RECQL4: variants seen among roughly 807,000 people sequenced by gnomAD.
The protein encoded by RECQL4 is RecQ like helicase 4, also known as ATP-dependent DNA helicase Q4.
RECQL4 carries 158 observed loss-of-function variants against 128.6 expected under a neutral mutation model. That is an observed-to-expected ratio of 1.23 (90% CI 1.08 to 1.40). The LOEUF (loss-of-function observed/expected upper bound fraction) is 1.40, where lower values mean the gene tolerates loss of function less well. RECQL4 is among the 40% of genes most tolerant of loss of function. The pLI is 0.00. For missense variants in RECQL4, 2,293 were observed against 1,649.8 expected (o/e 1.39, Z -6.75); for synonymous variants, 996 against 678.9 (o/e 1.47, Z -7.26).
At position 144,513,883 on chromosome 8, in the gene RECQL4, TCAG is replaced by T. The variant is rs770765176; in HGVS notation, c.2058+42_2058+44del. The T allele has an allele frequency of 1.6e-3, 2,356 of 1,516,846 alleles. 7 individuals are homozygous for T. Among genetic ancestry groups the T allele is most frequent in the Non-Finnish European group, 1.9e-3 (2,116 of 1,123,864 alleles). The allele number at this position is 1,516,846 out of a possible 1,614,324, so 94.0% of individuals were successfully genotyped here. Reference sequence around the variant, plus strand: ...AGTGAGGAGGGGTCGGCGTGGGCAGTCAGCAGCCAGGGCCCTGCAGGGTCCCCA... The same window carrying T: ...AGTGAGGAGGGGTCGGCGTGGGCAGTCAGCCAGGGCCCTGCAGGGTCCCCA... On this transcript the variant is annotated intron_variant, in intron 12 of 20. Transcript: ENST00000617875.
chr8:144,515,451 T>TC lies in RECQL4; in HGVS notation c.1264dup (p.Glu422GlyfsTer10). On this transcript the variant is annotated frameshift_variant, in exon 7 of 21. Transcript: ENST00000617875. LOFTEE classifies it high-confidence loss of function. The stretch of plus-strand genomic sequence containing the variant: ...AGGCCCAACAGCATCTGTGTCTTCC[T>TC]CACTTGCTGGGGCAGGCAGGAGAGG... 6.2e-7 allele frequency: 1 copy of TC among 1,612,714 alleles called. No homozygotes were observed. Among genetic ancestry groups the TC allele is most frequent in the Non-Finnish European group, 8.5e-7 (1 of 1,179,820 alleles).
rs1060501363 is a variant in RECQL4 at position 144,512,486 on chromosome 8, A to C, written c.2961T>G (p.Phe987Leu). 28 of 1,612,482 alleles carry C rather than the reference A, an allele frequency of 1.7e-5. No homozygotes were observed. The highest frequency in any genetic ancestry group is 2.4e-5 in the Non-Finnish European group (28 of 1,179,796). ...DPGQGSSSVE[F>L]DMVKLVDSMG... ...TGGAGTCCACCAGCTTGACCATGTCAAACTCCACGGAGCTGCTGCCTTGCC... is the reference window on the plus strand; with the variant it reads ...TGGAGTCCACCAGCTTGACCATGTCCAACTCCACGGAGCTGCTGCCTTGCC... The change falls in exon 17 of 21, where the codon TTT becomes TTG. Residue 987 changes from phenylalanine (F) to leucine (L), a missense_variant. Transcript: ENST00000617875.
Position 144,512,647 on chromosome 8 carries a change from G to T in RECQL4, c.2880C>A (p.Ala960=), listed in dbSNP as rs766684128. ...ACTGGGCAGGGCGTGCTTACCTGTGGGCCAGGGCCTGGAGCTGGGCAGGGC... is the reference window on the plus strand; with the variant it reads ...ACTGGGCAGGGCGTGCTTACCTGTGTGCCAGGGCCTGGAGCTGGGCAGGGC... The part of the protein sequence containing the change: ...PGGPAQLQAL[A]HRCPPLAVCL... Residue 960 remains alanine, a synonymous_variant, in exon 16 of 21, where the codon GCC becomes GCA. Coordinates refer to ENST00000617875, the MANE Select transcript of RECQL4 (RefSeq NM_004260.4). The T allele has an allele frequency of 6.2e-6, 10 of 1,612,478 alleles. No individual in the cohort carries two copies. In the East Asian group the frequency reaches 2.2e-4, roughly 36 times the overall value.
rs2130721351 is a variant in RECQL4, at chr8:144,516,269, G to A, written c.850C>T (p.Pro284Ser). The A allele has an allele frequency of 6.2e-7, 1 of 1,612,016 alleles. No individual in the cohort carries two copies. Among genetic ancestry groups the A allele is most frequent in the Non-Finnish European group, 8.5e-7 (1 of 1,179,490 alleles). Residue 284 changes from proline to serine, a missense_variant, in exon 5 of 21, where the codon CCC becomes TCC. Transcript: ENST00000617875. Reference sequence around the variant, plus strand: ...ACAGCCCCAGCCCCCTCCGATGGGGGTCCAGCTTGGCTGCTCTCCTGCTGG... The same window carrying A: ...ACAGCCCCAGCCCCCTCCGATGGGGATCCAGCTTGGCTGCTCTCCTGCTGG... ...QVQQESSQAG[P>S]PSEGAGAVAV...
rs767170672 is a variant in RECQL4 at position 144,516,230 on chromosome 8, C to T, written c.889G>A (p.Asp297Asn). The T allele has an allele frequency of 2.5e-6, 4 of 1,612,992 alleles. No homozygotes were observed. The highest frequency in any genetic ancestry group is 1.3e-5 in the African/African-American group (1 of 74,920). The part of the protein sequence containing the change: ...EGAGAVAVEE[D>N]PPGEPVQAQP... Reference sequence around the variant, plus strand: ...GCCTGTACAGGTTCCCCTGGAGGGTCTTCCTCAACTGCTACAGCCCCAGCC... The same window carrying T: ...GCCTGTACAGGTTCCCCTGGAGGGTTTTCCTCAACTGCTACAGCCCCAGCC... The change falls in exon 5 of 21, where the codon GAC becomes AAC. Residue 297 changes from aspartate to asparagine, a missense_variant. Asp to Asn is a conservative substitution (Grantham distance 23). Coordinates refer to ENST00000617875, the MANE Select transcript of RECQL4 (RefSeq NM_004260.4).
At position 144,513,924 on chromosome 8, in the gene RECQL4, C is replaced by A. The variant is rs369280644; in HGVS notation, c.2058+4G>T. On this transcript the variant is annotated splice_donor_region_variant and intron_variant, in intron 12 of 20. Transcript: ENST00000617875. ...TGCAGGGTCCCCAGAGCACACACAC[C>A]CACCTGGTCTGTGTCCCTGTCCATG... 2.6e-6 allele frequency: 4 copies of A among 1,536,290 alleles called. No homozygotes were observed. Among genetic ancestry groups the A allele is most frequent in the African/African-American group, 2.8e-5 (2 of 71,606 alleles).
chr8:144,511,525 C>G lies in RECQL4; in HGVS notation c.3533G>C (p.Gly1178Ala). Residue 1178 changes from glycine to alanine, a missense_variant, in exon 21 of 21, where the codon GGG becomes GCG. Transcript: ENST00000617875. ...TTTTCTCCAGAAGCGTCGGTCCTGC[C>G]CGTACACCTGGGCCGGGTAGCAGGG... ...GSPCYPAQVY[G>A]QDRRFWRKYL... 6.2e-7 allele frequency: 1 copy of G among 1,612,576 alleles called. No homozygotes were observed. The highest frequency in any genetic ancestry group is 8.5e-7 in the Non-Finnish European group (1 of 1,179,756).
In RECQL4 at chr8:144,515,235, C is replaced by T. The variant is rs145615931; in HGVS notation, c.1398G>A (p.Pro466=). The T allele has an allele frequency of 8.5e-4, 1,343 of 1,588,058 alleles. 6 individuals are homozygous for T. The highest frequency in any genetic ancestry group is 2.2e-3 in the South Asian group (194 of 87,662). Residue 466 remains proline, a synonymous_variant, in exon 8 of 21, where the codon CCG becomes CCA. Coordinates refer to ENST00000617875, the MANE Select transcript of RECQL4 (RefSeq NM_004260.4). ...LGPSGQLAET[P]AEVFQALEQL... is the part of the protein sequence containing the mutation. ...GCTCCAGGGCCTGGAACACCTCAGCCGGCGTCTCTGCAGACACAGATGTTG... is the reference window on the plus strand; with the variant it reads ...GCTCCAGGGCCTGGAACACCTCAGCTGGCGTCTCTGCAGACACAGATGTTG...
At chr8:144,513,750 G>A in intron 12 of RECQL4, 38 bp from the exon 13 acceptor site, 2 of 1,503,898 alleles carry the variant, frequency 1.3e-6, no homozygotes, top group Non-Finnish European at 8.9e-7. Context: ...TGGGGAGTGA[G>A]GAGGGGTCGG....
In RECQL4 at chr8:144,511,442, C is replaced by T. The variant is rs1346196114; in HGVS notation, c.3616G>A (p.Val1206Met). ...CCAATGCAGTGCAGTCAGCGGGCCA[C>T]CTGCAGGAGCTCTTCCGTGGCCAGG... The part of the protein sequence containing the change: ...VGLATEELLQ[V>M]AR The change falls in exon 21 of 21, where the codon GTG becomes ATG. Residue 1206 changes from valine (V) to methionine (M), a missense_variant. By Grantham distance (21) the Val-to-Met change is conservative (BLOSUM62 1). Coordinates refer to ENST00000617875, the MANE Select transcript of RECQL4 (RefSeq NM_004260.4). The T allele has an allele frequency of 6.2e-7, 1 of 1,612,442 alleles. No homozygotes were observed. The highest frequency in any genetic ancestry group is 2.2e-5 in the East Asian group (1 of 44,878).
chr8:144,511,859 C>T (rs2130653081), intron 19 of RECQL4, 52 bp downstream of exon 19: 1 of 1,610,174 alleles, frequency 6.2e-7, no homozygotes, highest in African/African-American at 1.3e-5. Flanking sequence ...AAGCCCCATG[C>T]AGCCCAGGGA....
In RECQL4 at chr8:144,511,927, T is replaced by G. The variant is rs1030415007; in HGVS notation, c.3377A>C (p.Glu1126Ala). Residue 1126 changes from glutamate (E) to alanine (A), a missense_variant, in exon 19 of 21, where the codon GAG (glutamate) becomes GCG (alanine). Coordinates refer to ENST00000617875, the MANE Select transcript of RECQL4 (RefSeq NM_004260.4). The part of the protein sequence containing the change: ...PGGMEDAQGP[E>A]PGQARLQDWE... Reference sequence around the variant, plus strand: ...TGCACTCACTCTGGCCTGCCCTGGCTCGGGGCCCTGTGCGTCCTCCATGCC... The same window carrying G: ...TGCACTCACTCTGGCCTGCCCTGGCGCGGGGCCCTGTGCGTCCTCCATGCC... 2 of 1,611,022 alleles carry G rather than the reference T, an allele frequency of 1.2e-6. No individual in the cohort carries two copies. The highest frequency in any genetic ancestry group is 1.3e-5 in the African/African-American group (1 of 74,950).
At chr8:144,514,600 G>A in intron 9 of RECQL4, 75 bp from the exon 10 acceptor site, 20 of 1,445,086 alleles carry the variant, frequency 1.4e-5, no homozygotes, top group Non-Finnish European at 1.9e-5. Flanking sequence ...CAGAGCTGCT[G>A]CCATGTCCAT....
Position 144,517,143 on chromosome 8 carries a change from G to C in RECQL4, c.261C>G (p.Thr87=), listed in dbSNP as rs924413586. The part of the protein sequence containing the change: ...CWGPHLNRAA[T]KSPQSTPGRS... ...GCCCTGGCGTAGACTGTGGACTCTTGGTCGCAGCCCGATTCAGATGGGGCC... is the reference window on the plus strand; with the variant it reads ...GCCCTGGCGTAGACTGTGGACTCTTCGTCGCAGCCCGATTCAGATGGGGCC... Residue 87 remains threonine (T), a synonymous_variant, in exon 4 of 21, where the codon ACC becomes ACG. Transcript: ENST00000617875. The C allele has an allele frequency of 4.3e-6, 7 of 1,611,402 alleles. No homozygotes were observed. Among genetic ancestry groups the C allele is most frequent in the Non-Finnish European group, 5.9e-6 (7 of 1,179,502 alleles).
rs1254840136 is a variant in RECQL4 at position 144,511,536 on chromosome 8, G to A, written c.3522C>T (p.Ala1174=). 6.2e-7 allele frequency: 1 copy of A among 1,612,416 alleles called. No individual in the cohort carries two copies. The highest frequency in any genetic ancestry group is 1.1e-5 in the South Asian group (1 of 91,086). ...AGCGTCGGTCCTGCCCGTACACCTG[G>A]GCCGGGTAGCAGGGGCTTCCTACGG... ...FHGIGSPCYP[A]QVYGQDRRFW... is the part of the protein sequence containing the mutation. Residue 1174 remains alanine (A), a synonymous_variant, in exon 21 of 21, where the codon GCC becomes GCT. Transcript: ENST00000617875.
Position 144,517,458 on chromosome 8 carries a change from C to G in RECQL4, c.169G>C (p.Gly57Arg). 6.3e-7 allele frequency: 1 copy of G among 1,594,746 alleles called. No individual in the cohort carries two copies. The highest frequency in any genetic ancestry group is 1.3e-5 in the African/African-American group (1 of 74,810). The change falls in exon 3 of 21, where the codon GGC (glycine) becomes CGC (arginine). Residue 57 changes from glycine (G) to arginine (R), a missense_variant. By Grantham distance (125) the Gly-to-Arg change is moderately radical. Transcript: ENST00000617875. ...TLKRTTGQAGGGLRSSESLPA... is the reference protein window; with the variant it reads ...TLKRTTGQAGRGLRSSESLPA... ...AGCGACTCGGAGCTGCGGAGCCCGCCGCCGGCCTGGCCCGTGGTACGCTTC... is the reference window on the plus strand; with the variant it reads ...AGCGACTCGGAGCTGCGGAGCCCGCGGCCGGCCTGGCCCGTGGTACGCTTC...
intron 9 of RECQL4, 91 bp downstream of exon 9, chr8:144,514,845 G>A (rs1338468651): frequency 8.2e-6 from 12 of 1,469,640 alleles, no homozygotes; most frequent in South Asian, 6.1e-5. Flanking sequence ...CCAGGGGAGG[G>A]GGTGGTTAGG....
At chr8:144,514,647 G>T in intron 9 of RECQL4, 122 bp from the exon 10 acceptor site, 3 of 1,095,066 alleles carry the variant, frequency 2.7e-6, no homozygotes, top group Non-Finnish European at 3.9e-6. Context: ...CAGGTCCTGG[G>T]TCCTAGGGCT....
In RECQL4 at chr8:144,511,371, A is replaced by G. The variant is rs1827159962; in HGVS notation, c.*60T>C. The G allele has an allele frequency of 6.3e-7, 1 of 1,593,960 alleles. No homozygotes were observed. Among genetic ancestry groups the G allele is most frequent in the Non-Finnish European group, 8.6e-7 (1 of 1,164,822 alleles). On this transcript the variant is annotated 3_prime_UTR_variant, in exon 21 of 21. Coordinates refer to ENST00000617875, the MANE Select transcript of RECQL4 (RefSeq NM_004260.4). The stretch of plus-strand genomic sequence containing the variant: ...TGTGGCAGGTTTTGCCCAGGTCCTC[A>G]GTCACTGCCCTAGCCTCTGACAACC...
Sources: allele counts gnomAD v4.1 joint callset, GRCh38; gene constraint gnomAD v4.1.1; transcripts MANE v1.5; gene names NCBI Gene and HGNC (gene_info 2026-07-23, HGNC 2026-07-21).